Variants in PTPRA observed in about 807,000 individuals in gnomAD.
PTPRA encodes receptor-type tyrosine-protein phosphatase alpha.
In PTPRA, 25 loss-of-function variants were observed where a neutral mutation model predicts 104.8. The observed-to-expected ratio is 0.24, with a 90% CI of 0.17 to 0.33. The LOEUF is 0.33. Among genes scored for constraint, PTPRA ranks in the 10% least tolerant of loss-of-function variants. The pLI is 1.00. For synonymous variants in PTPRA, 323 were observed against 368.9 expected, an observed-to-expected ratio of 0.88 and a Z score of 1.43; for missense variants, 765 against 1,015.3, an observed-to-expected ratio of 0.75 and a Z score of 3.35.
intron 1 of PTPRA, among the ~76,000 whole-genome samples, chr20:2,894,041 G>C (rs1406287281): frequency 6.6e-6 from 1 of 151,966 alleles, no homozygotes; most frequent in East Asian, 1.9e-4. Context: ...TGGAGATAAT[G>C]ACATGGAAAA....
At chr20:3,014,665 C>G (rs1346937295) in intron 11 of PTPRA, among the ~76,000 whole-genome samples, 2 of 151,966 alleles carry the variant, frequency 1.3e-5, no homozygotes, top group Non-Finnish European at 2.9e-5. Context: ...GAAAGTGGCT[C>G]CTCAGATTTA....
chr20:2,915,300 A>G (rs1406971823), intron 1 of PTPRA, among the ~76,000 whole-genome samples: 2 of 152,120 alleles, frequency 1.3e-5, no homozygotes, highest in East Asian at 3.8e-4. Context: ...TATGTATAAT[A>G]CCACATTTTG....
intron 1 of PTPRA, among the ~76,000 whole-genome samples, chr20:2,887,524 G>A (rs954442538): frequency 1.2e-4 from 19 of 152,172 alleles, no homozygotes; most frequent in African/African-American, 3.4e-4. Flanking sequence ...AGGCATTAGG[G>A]TTCTAGATTT....
intron 2 of PTPRA, among the ~76,000 whole-genome samples, chr20:2,935,261 G>A (rs1310204341): frequency 6.6e-6 from 1 of 151,924 alleles, no homozygotes; most frequent in Non-Finnish European, 1.5e-5. Flanking sequence ...TTCTATGTCT[G>A]GCTTATTTCG....
At chr20:3,021,956 T>G in intron 14 of PTPRA, 98 bp from the exon 15 acceptor site, 1 of 1,457,146 alleles carries the variant, frequency 6.9e-7, no homozygotes, top group South Asian at 1.3e-5. Context: ...CACTTACTTT[T>G]CCATTGTCAC....
At chr20:2,948,888 C>G (rs1024110106) in intron 3 of PTPRA, among the ~76,000 whole-genome samples, 3 of 151,918 alleles carry the variant, frequency 2.0e-5, no homozygotes, top group Admixed American at 6.6e-5. Flanking sequence ...GGAGGCGGAG[C>G]TTGCAGTGAG....
chr20:2,929,408 T>G (rs1405190957), intron 2 of PTPRA, among the ~76,000 whole-genome samples: 1 of 152,256 alleles, frequency 6.6e-6, no homozygotes, highest in African/African-American at 2.4e-5. Context: ...GTTCACACAT[T>G]CCTTTTTATT....
At chr20:2,907,938 AT>A (rs59554697) in intron 1 of PTPRA, among the ~76,000 whole-genome samples, 2 of 151,920 alleles carry the variant, frequency 1.3e-5, no homozygotes, top group Admixed American at 6.6e-5. Context: ...TTAAAAAATA[AT>A]TTTTTTGTTA....
intron 6 of PTPRA, among the ~76,000 whole-genome samples, chr20:2,985,072 T>A (rs767982969): frequency 3.3e-5 from 5 of 152,372 alleles, no homozygotes; most frequent in Non-Finnish European, 4.4e-5. Context: ...TGAACACTTC[T>A]CTGTTCCTAG....
intron 7 of PTPRA, 63 bp downstream of exon 7, chr20:2,986,912 A>C: frequency 7.1e-7 from 1 of 1,401,510 alleles, no homozygotes; most frequent in Admixed American, 1.7e-5. Context: ...GTCCCAATGA[A>C]CCCACACAGT....
intron 6 of PTPRA, among the ~76,000 whole-genome samples, chr20:2,983,556 AT>A (rs1444825809): frequency 2.9e-5 from 4 of 136,698 alleles, no homozygotes; most frequent in Middle Eastern, 3.5e-3. Context: ...ACTGGTGGCA[AT>A]AAAAAAAATG....
intron 3 of PTPRA, among the ~76,000 whole-genome samples, chr20:2,951,360 A>C (rs2061348650): frequency 8.5e-5 from 13 of 152,264 alleles, no homozygotes; most frequent in Admixed American, 7.2e-4. Context: ...TCAGCCTCCC[A>C]AAGCGCTGGG....
rs1315873963 is a variant in PTPRA at position 3,005,160 on chromosome 20, G to A, written c.829+14G>A. On this transcript the variant is annotated intron_variant, in intron 10 of 23. Transcript: ENST00000399903. ...ACATCTTGCCTTGTGAGTGTCTTTA[G>A]TGTTTCTTGGGATGTAACCTGAAAT... 6.4e-7 allele frequency: 1 copy of A among 1,558,962 alleles called. No homozygotes were observed. Among genetic ancestry groups the A allele is most frequent in the Non-Finnish European group, 8.8e-7 (1 of 1,130,166 alleles).
chr20:2,913,601 G>A (rs1040964900), intron 1 of PTPRA, among the ~76,000 whole-genome samples: 2 of 152,092 alleles, frequency 1.3e-5, no homozygotes, highest in African/African-American at 4.8e-5. Flanking sequence ...TGGACCTGAT[G>A]TTTCTTCATC....
chr20:2,910,026 A>G (rs1293437618), intron 1 of PTPRA, among the ~76,000 whole-genome samples: 2 of 85,614 alleles, frequency 2.3e-5, no homozygotes, highest in Admixed American at 1.4e-4. Flanking sequence ...ATAATCTATC[A>G]TATATCATAT....
chr20:3,012,334 CAAGG>C (rs1163746612), intron 11 of PTPRA, among the ~76,000 whole-genome samples: 1 of 152,154 alleles, frequency 6.6e-6, no homozygotes, highest in East Asian at 1.9e-4. Flanking sequence ...TGAGGGTTGA[CAAGG>C]AAGCGGCGAC....
chr20:2,902,141 T>C (rs1371498005), intron 1 of PTPRA, among the ~76,000 whole-genome samples: 1 of 152,110 alleles, frequency 6.6e-6, no homozygotes, highest in African/African-American at 2.4e-5. Context: ...TCCCTCGGCC[T>C]CCCAAAGTGC....
chr20:2,888,609 T>A (rs2058686269), intron 1 of PTPRA, among the ~76,000 whole-genome samples: 1 of 152,114 alleles, frequency 6.6e-6, no homozygotes, highest in Non-Finnish European at 1.5e-5. Context: ...CTCAAAATTT[T>A]GCTTAATTTA....
chr20:2,881,018 AAAG>A lies in PTPRA; in HGVS notation c.-129+7260_-129+7262del, dbSNP rs1323731497. ...GGGAGACTCTGTGTCTCAAAAAAAAAAAGAGGAGGACCGGGCATAGTGGGTCAC... is the reference window on the plus strand; with the variant it reads ...GGGAGACTCTGTGTCTCAAAAAAAAAAGGAGGACCGGGCATAGTGGGTCAC... On this transcript the variant is annotated intron_variant, in intron 1 of 23. Transcript: ENST00000399903. 2.6e-5 allele frequency among the ~76,000 whole-genome samples: 4 copies of A among 151,978 alleles called. No individual in the cohort carries two copies. In the East Asian group the frequency reaches 7.7e-4, roughly 29 times the overall value.
Sources: gnomAD v4.1 joint callset for allele counts (sites outside exome capture counted in the v4.1 genomes callset) on GRCh38, gnomAD v4.1.1 for gene constraint, MANE v1.5 for transcripts, NCBI Gene and HGNC (gene_info 2026-07-23, HGNC 2026-07-21) for gene names.